Variants in SLIT3 observed in about 807,000 individuals in gnomAD.
The protein encoded by SLIT3 is slit guidance ligand 3, also known as slit homolog 3 protein.
In SLIT3, 68 loss-of-function variants were observed where a neutral mutation model predicts 184.0. The ratio of observed to expected loss-of-function variants is 0.37; its 90% CI spans 0.30 to 0.45. SLIT3 has a LOEUF of 0.45. Among genes scored for constraint, SLIT3 ranks in the 20% least tolerant of loss-of-function variants. The pLI, the probability that SLIT3 is intolerant of heterozygous loss-of-function variation, is 1.00. For synonymous variants in SLIT3, 831 were observed against 828.6 expected, an observed-to-expected ratio of 1.00 and a Z score of -0.05; for missense variants, 1,707 against 2,026.0, an observed-to-expected ratio of 0.84 and a Z score of 3.02.
chr5:168,953,908 G>A (rs964153991), intron 4 of SLIT3, among the ~76,000 whole-genome samples: 2 of 152,172 alleles, frequency 1.3e-5, no homozygotes, highest in Admixed American at 1.3e-4. Flanking sequence ...CGGCGGCTGA[G>A]CACTGAAGAA....
At chr5:169,299,491 G>C (rs968474318) in intron 1 of SLIT3, among the ~76,000 whole-genome samples, 1 of 152,084 alleles carries the variant, frequency 6.6e-6, no homozygotes, top group Non-Finnish European at 1.5e-5. Context: ...GACACGGAGG[G>C]AATCTACCAC....
intron 4 of SLIT3, among the ~76,000 whole-genome samples, chr5:169,164,060 T>G (rs566270672): frequency 6.6e-6 from 1 of 152,330 alleles, no homozygotes; most frequent in South Asian, 2.1e-4. Flanking sequence ...CCCAGTGATT[T>G]ATGTTCTGGA....
intron 26 of SLIT3, among the ~76,000 whole-genome samples, chr5:168,701,166 G>A (rs1762202851): frequency 1.3e-5 from 2 of 152,358 alleles, no homozygotes; most frequent in South Asian, 4.1e-4. Flanking sequence ...GGTTACACGT[G>A]TGTAATCCAC....
At chr5:168,814,318 C>T (rs973572408) in intron 8 of SLIT3, among the ~76,000 whole-genome samples, 3 of 152,130 alleles carry the variant, frequency 2.0e-5, no homozygotes, top group East Asian at 3.9e-4. Flanking sequence ...ATTGCTTGAA[C>T]CCGTGAGGCA....
intron 20 of SLIT3, among the ~76,000 whole-genome samples, chr5:168,732,936 A>T (rs1306529471): frequency 6.6e-6 from 1 of 152,220 alleles, no homozygotes; most frequent in African/African-American, 2.4e-5. Context: ...AGTCCTCAAA[A>T]GCAAATGTAG....
At chr5:169,002,322 C>CAAAAAAAGAAAAAAAA (rs1755732471) in intron 4 of SLIT3, among the ~76,000 whole-genome samples, 1 of 24,198 alleles carries the variant, frequency 4.1e-5, no homozygotes, top group Non-Finnish European at 7.3e-5. Flanking sequence ...GACTCTGTCT[C>CAAAAAAAGAAAAAAAA]AAAAAAAAAA....
chr5:169,107,800 T>C (rs1036480353), intron 4 of SLIT3, among the ~76,000 whole-genome samples: 1 of 152,256 alleles, frequency 6.6e-6, no homozygotes, highest in Non-Finnish European at 1.5e-5. Flanking sequence ...TGGCCTGTGC[T>C]GTGTCCTCTG....
At chr5:168,709,751 A>G (rs554861189) in intron 25 of SLIT3, among the ~76,000 whole-genome samples, 1 of 151,960 alleles carries the variant, frequency 6.6e-6, no homozygotes, top group Non-Finnish European at 1.5e-5. Flanking sequence ...GAGATTATCA[A>G]ACAACTGTGT....
At chr5:168,987,648 A>T (rs964961020) in intron 4 of SLIT3, among the ~76,000 whole-genome samples, 1 of 152,248 alleles carries the variant, frequency 6.6e-6, no homozygotes, top group African/African-American at 2.4e-5. Context: ...CCACACAAGC[A>T]TCTAGCTCAC....
chr5:168,742,992 C>G (rs376830159), intron 20 of SLIT3, among the ~76,000 whole-genome samples: 31 of 152,164 alleles, frequency 2.0e-4, no homozygotes, highest in African/African-American at 7.5e-4. Context: ...ATTAGCTGAG[C>G]GTGGTGGCAT....
At chr5:169,095,612 G>C (rs970900255) in intron 4 of SLIT3, among the ~76,000 whole-genome samples, 1 of 152,138 alleles carries the variant, frequency 6.6e-6, no homozygotes, top group Non-Finnish European at 1.5e-5. Context: ...GGAGTGGCTC[G>C]CTGTGGCATT....
chr5:168,687,095 G>A lies in SLIT3; in HGVS notation c.3198C>T (p.Tyr1066=), dbSNP rs139322617. 2.5e-6 allele frequency: 4 copies of A among 1,614,088 alleles called. No homozygotes were observed. Among genetic ancestry groups the A allele is most frequent in the African/African-American group, 1.3e-5 (1 of 74,958 alleles). The change falls in exon 30 of 36, where the codon TAC becomes TAT. Residue 1066 remains tyrosine (Y), a synonymous_variant. Transcript: ENST00000519560. ...TGTCTGTCTCACAGAGCTTCCCGCT[G>A]TAGCCAGGGACACACTCGCAGCTGG... ...KGFSCECVPG[Y]SGKLCETDND... is the part of the protein sequence containing the mutation.
intron 4 of SLIT3, among the ~76,000 whole-genome samples, chr5:169,033,648 G>T (rs988226826): frequency 6.6e-6 from 1 of 151,962 alleles, no homozygotes; most frequent in African/African-American, 2.4e-5. Context: ...GGTGTAAGGT[G>T]GTATCTCATC....
intron 4 of SLIT3, among the ~76,000 whole-genome samples, chr5:169,180,567 G>C (rs1234538407): frequency 6.6e-6 from 1 of 152,180 alleles, no homozygotes; most frequent in Admixed American, 6.5e-5. Flanking sequence ...ACAAAAGGTG[G>C]TGAACATATT....
At chr5:168,917,097 C>G (rs1018073351) in intron 4 of SLIT3, among the ~76,000 whole-genome samples, 2 of 152,148 alleles carry the variant, frequency 1.3e-5, no homozygotes, top group African/African-American at 4.8e-5. Context: ...GTTTTTCTAT[C>G]CCTCTAGTGG....
intron 1 of SLIT3, among the ~76,000 whole-genome samples, chr5:169,294,086 C>T (rs564558694): frequency 3.1e-4 from 47 of 152,284 alleles, no homozygotes; most frequent in Non-Finnish European, 6.0e-4. Flanking sequence ...AATGCCTCCA[C>T]CCCTTGTTTT....
intron 1 of SLIT3, among the ~76,000 whole-genome samples, chr5:169,272,012 G>T (rs1417784167): frequency 6.6e-6 from 1 of 152,230 alleles, no homozygotes; most frequent in East Asian, 1.9e-4. Flanking sequence ...AACTGGGCAG[G>T]TGCAGGGGCA....
intron 4 of SLIT3, among the ~76,000 whole-genome samples, chr5:168,888,274 G>A (rs1760299038): frequency 6.6e-6 from 1 of 152,256 alleles, no homozygotes; most frequent in Non-Finnish European, 1.5e-5. Flanking sequence ...GCATCAGACA[G>A]TCCTTGGTTA....
chr5:168,731,524 C>G (rs1581015217), intron 20 of SLIT3, among the ~76,000 whole-genome samples: 1 of 152,012 alleles, frequency 6.6e-6, no homozygotes, highest in East Asian at 1.9e-4. Context: ...AGGCTAACAT[C>G]CTGAATGGAC....
Sources: allele counts gnomAD v4.1 joint callset (sites outside exome capture counted in the v4.1 genomes callset), GRCh38; gene constraint gnomAD v4.1.1; transcripts MANE v1.5; gene names NCBI Gene and HGNC (gene_info 2026-07-23, HGNC 2026-07-21).